Variants in ST6GALNAC4 observed in about 807,000 individuals in gnomAD.
The protein encoded by ST6GALNAC4 is ST6 N-acetylgalactosaminide alpha-2,6-sialyltransferase 4.
In ST6GALNAC4, 24 loss-of-function variants were observed where a neutral mutation model predicts 30.4. That is an observed-to-expected ratio of 0.79 (90% CI 0.57 to 1.11). The LOEUF (loss-of-function observed/expected upper bound fraction) is 1.11, where lower values mean the gene tolerates loss of function less well. Among genes scored for constraint, ST6GALNAC4 ranks in the 50% most tolerant of loss-of-function variants. The probability of loss-of-function intolerance (pLI) is 0.00; values close to 1 mark genes in which losing one functional copy is unlikely to be tolerated. For missense variants in ST6GALNAC4, 365 were observed against 430.1 expected (o/e 0.85, Z 1.34); for synonymous variants, 156 against 179.7 (o/e 0.87, Z 1.05).
chr9:127,912,168 C>T, intron 4 of ST6GALNAC4, 100 bp downstream of exon 4: 1 of 1,461,522 alleles, frequency 6.8e-7, no homozygotes, highest in Non-Finnish European at 9.1e-7. Context: ...GAGTGCTGAC[C>T]TCCCGGGCCT....
chr9:127,908,750 G>T (rs41312218), intron 5 of ST6GALNAC4, among the ~76,000 whole-genome samples, 169 bp from the exon 6 acceptor site: 1 of 151,798 alleles, frequency 6.6e-6, no homozygotes, highest in African/African-American at 2.4e-5. Context: ...CGAGAGCCAG[G>T]GTTCGAGTCC....
intron 4 of ST6GALNAC4, chr9:127,910,506 CCT>C: frequency 1.0e-6 from 1 of 1,003,174 alleles, no homozygotes. Context: ...TGCTCGTGAA[CCT>C]CTCTGAGCCT....
At position 127,909,998 on chromosome 9, in the gene ST6GALNAC4, CAGCT is replaced by C. The variant is rs1473411998; in HGVS notation, c.668_671del (p.Glu223GlyfsTer34). On this transcript the variant is annotated frameshift_variant, in exon 5 of 6. Coordinates refer to ENST00000335791, the MANE Select transcript of ST6GALNAC4 (RefSeq NM_175039.4). LOFTEE classifies it high-confidence loss of function. ...TCCCATAGACCACGATCTCCTCACA[CAGCT>C]CCAGCGCGAGGATCATGGTGAACCA... The C allele has an allele frequency of 6.2e-7, 1 of 1,613,524 alleles. No individual in the cohort carries two copies. Among genetic ancestry groups the C allele is most frequent in the African/African-American group, 1.3e-5 (1 of 75,078 alleles).
chr9:127,909,345 C>A (rs1347488544), intron 5 of ST6GALNAC4, among the ~76,000 whole-genome samples: 1 of 150,112 alleles, frequency 6.7e-6, no homozygotes, highest in Admixed American at 6.6e-5. Flanking sequence ...GCCAAGATCG[C>A]GCCACTGCAC....
intron 3 of ST6GALNAC4, among the ~76,000 whole-genome samples, chr9:127,913,246 C>T (rs747593454): frequency 2.6e-5 from 4 of 152,226 alleles, no homozygotes; most frequent in African/African-American, 4.8e-5. Context: ...GCCAAGTCAC[C>T]GGCCTCTGTG....
intron 4 of ST6GALNAC4, 197 bp from the exon 5 acceptor site, chr9:127,910,255 C>G: frequency 1.4e-6 from 2 of 1,381,470 alleles, no homozygotes. Context: ...GCACACAAAC[C>G]CAGGCCTGAT....
At chr9:127,910,161 C>A in intron 4 of ST6GALNAC4, 103 bp from the exon 5 acceptor site, 1 of 1,491,084 alleles carries the variant, frequency 6.7e-7, no homozygotes. Flanking sequence ...GGCTATGCAC[C>A]TCAACCTCTT....
intron 5 of ST6GALNAC4, among the ~76,000 whole-genome samples, chr9:127,909,403 G>T (rs1443267471): frequency 2.7e-5 from 4 of 148,648 alleles, no homozygotes; most frequent in African/African-American, 9.8e-5. Flanking sequence ...AAAAAAAAAA[G>T]AAATATAATA....
At position 127,910,043 on chromosome 9, in the gene ST6GALNAC4, G is replaced by T. The variant is rs774072108; in HGVS notation, c.627C>A (p.Ser209=). 1 of 1,613,456 alleles carries T rather than the reference G, an allele frequency of 6.2e-7. No individual in the cohort carries two copies. Among genetic ancestry groups the T allele is most frequent in the East Asian group, 2.2e-5 (1 of 44,886 alleles). The change falls in exon 5 of 6, where the codon TCC becomes TCA. Residue 209 remains serine (S), a synonymous_variant. Transcript: ENST00000335791. ...TGGTGAACCAGCCGGTGCTGAGGAA[G>T]GAGCCCGACTGCCTCCTGGGGGTGG... ...ETGKNRRQSG[S]FLSTGWFTMI...
In ST6GALNAC4 at chr9:127,912,446, C is replaced by A. The variant is rs765803598; in HGVS notation, c.433G>T (p.Asp145Tyr). Residue 145 changes from aspartate to tyrosine, a missense_variant, in exon 4 of 6, where the codon GAC becomes TAC. Asp to Tyr is a radical substitution (Grantham distance 160). Coordinates refer to ENST00000335791, the MANE Select transcript of ST6GALNAC4 (RefSeq NM_175039.4). Reference protein sequence around the residue: ...NYSHYFQKARDTLYMVWGQGR... With the variant: ...NYSHYFQKARYTLYMVWGQGR... Reference sequence around the variant, plus strand: ...TGGCCCCACACCATGTAGAGCGTGTCTCGGGCCTTCTGGAAGTAGTGTGAA... The same window carrying A: ...TGGCCCCACACCATGTAGAGCGTGTATCGGGCCTTCTGGAAGTAGTGTGAA... 1 of 1,613,976 alleles carries A rather than the reference C, an allele frequency of 6.2e-7. No individual in the cohort carries two copies. Among genetic ancestry groups the A allele is most frequent in the Non-Finnish European group, 8.5e-7 (1 of 1,180,000 alleles).
rs367736588 is a variant in ST6GALNAC4, at chr9:127,912,588, G to A, written c.291C>T (p.Ala97=). The A allele has an allele frequency of 1.3e-5, 21 of 1,610,750 alleles. No homozygotes were observed. The African/African-American group carries it at 1.3e-4, about 10-fold the overall frequency. The change falls in exon 4 of 6, where the codon GCC becomes GCT. Residue 97 remains alanine (A), a synonymous_variant. Coordinates refer to ENST00000335791, the MANE Select transcript of ST6GALNAC4 (RefSeq NM_175039.4). ...GSGLGAEIDS[A]ECVFRMNQAP... ...CCTGGTTCATGCGGAACACGCACTC[G>A]GCACTGTCGATCTCAGCACCCAGGC... is the stretch of plus-strand genomic sequence containing the variant.
intron 2 of ST6GALNAC4, among the ~76,000 whole-genome samples, chr9:127,915,380 T>C (rs1338657415): frequency 2.6e-5 from 4 of 152,216 alleles, no homozygotes; most frequent in Non-Finnish European, 1.5e-5. Flanking sequence ...GGACCAGGGC[T>C]GCCTAGTGTG....
chr9:127,913,312 C>T (rs1406448049), intron 3 of ST6GALNAC4, among the ~76,000 whole-genome samples: 1 of 152,230 alleles, frequency 6.6e-6, no homozygotes, highest in Admixed American at 6.5e-5. Flanking sequence ...GGGCCGGGAG[C>T]GGTGGCTCAC....
At chr9:127,910,440 C>CTCTA in intron 4 of ST6GALNAC4, 1 of 1,048,986 alleles carries the variant, frequency 9.5e-7, no homozygotes, top group Non-Finnish European at 1.2e-6. Flanking sequence ...GGTGGGGGTT[C>CTCTA]TCTAGAGTCC....
rs1831156937 is a variant in ST6GALNAC4, at chr9:127,914,719, G to T, written c.135C>A (p.Gly45=). 6.2e-7 allele frequency: 1 copy of T among 1,611,750 alleles called. No homozygotes were observed. Residue 45 remains glycine (G), a synonymous_variant, in exon 3 of 6, where the codon GGC becomes GGA. Coordinates refer to ENST00000335791, the MANE Select transcript of ST6GALNAC4 (RefSeq NM_175039.4). ...ATCLDHHFPT[G]SRPTVPGPLH... ...GGGGTCCCGGCACAGTGGGCCTGGA[G>T]CCTGTGGGGAAGTGGTGGTCCAGGC...
intron 2 of ST6GALNAC4, among the ~76,000 whole-genome samples, chr9:127,915,740 C>T (rs939603269): frequency 3.9e-5 from 6 of 152,182 alleles, no homozygotes; most frequent in African/African-American, 4.8e-5. Flanking sequence ...CTGGTCACCA[C>T]GTGTGTCTCT....
At position 127,916,461 on chromosome 9, in the gene ST6GALNAC4, G is replaced by A; in HGVS notation, c.-42C>T. ...AGTAGTCTAGGGGCTGCTGTCTCCA[G>A]GGCTGGGGCTGGGAAGGGGTGGGAG... On this transcript the variant is annotated 5_prime_UTR_variant, in exon 2 of 6. Transcript: ENST00000335791. 1.2e-6 allele frequency: 2 copies of A among 1,613,930 alleles called. No individual in the cohort carries two copies. The highest frequency in any genetic ancestry group is 1.7e-6 in the Non-Finnish European group (2 of 1,179,902).
chr9:127,913,882 T>A (rs1187800368), intron 3 of ST6GALNAC4, among the ~76,000 whole-genome samples: 1 of 152,168 alleles, frequency 6.6e-6, no homozygotes, highest in Non-Finnish European at 1.5e-5. Context: ...CACCAGGATG[T>A]ACCCCGGCCT....
intron 1 of ST6GALNAC4, 43 bp from the exon 2 acceptor site, chr9:127,916,537 G>A: frequency 1.6e-6 from 2 of 1,271,200 alleles, no homozygotes; most frequent in Non-Finnish European, 2.3e-6. Flanking sequence ...GGTAAGGCAG[G>A]TGGGGTTCTA....
Sources: allele counts gnomAD v4.1 joint callset (sites outside exome capture counted in the v4.1 genomes callset), GRCh38; gene constraint gnomAD v4.1.1; transcripts MANE v1.5; gene names NCBI Gene and HGNC (gene_info 2026-07-23, HGNC 2026-07-21).